NRCAM: variants seen among roughly 807,000 people sequenced by gnomAD.
NRCAM encodes the protein NgCAM-related cell adhesion molecule.
Under a neutral mutation model 156.5 loss-of-function variants are expected in NRCAM, and 83 were observed. That is an observed-to-expected ratio of 0.53 (90% CI 0.44 to 0.64). The LOEUF (loss-of-function observed/expected upper bound fraction) is 0.64. Ranked by LOEUF, NRCAM falls within the 30% of genes least tolerant of loss-of-function variation. The pLI is 0.00. For missense variants in NRCAM, 1,417 were observed against 1,597.3 expected, an observed-to-expected ratio of 0.89 and a Z score of 1.92; for synonymous variants, 538 against 563.9, an observed-to-expected ratio of 0.95 and a Z score of 0.65.
At chr7:108,453,566 C>T (rs1046766952) in intron 1 of NRCAM, among the ~76,000 whole-genome samples, 1 of 152,204 alleles carries the variant, frequency 6.6e-6, no homozygotes, top group Non-Finnish European at 1.5e-5. Context: ...AGCCCTATTG[C>T]AGTTGTTTTG....
intron 2 of NRCAM, among the ~76,000 whole-genome samples, chr7:108,364,896 G>A (rs2099582636): frequency 6.6e-6 from 1 of 152,178 alleles, no homozygotes; most frequent in Non-Finnish European, 1.5e-5. Flanking sequence ...TGACGAAAGA[G>A]TTTTGAAGTC....
intron 2 of NRCAM, among the ~76,000 whole-genome samples, chr7:108,334,278 A>T (rs1037134091): frequency 5.3e-5 from 8 of 152,238 alleles, no homozygotes; most frequent in African/African-American, 1.9e-4. Flanking sequence ...ATTACCTTAA[A>T]TATTTCAAAC....
chr7:108,234,578 C>T lies in NRCAM; in HGVS notation c.230+5G>A, dbSNP rs1312383940. 3.9e-6 allele frequency: 6 copies of T among 1,541,074 alleles called. 1 individual carries two copies. In the South Asian group the frequency reaches 5.6e-5, roughly 14 times the overall value. On this transcript the variant is annotated splice_donor_5th_base_variant and intron_variant, in intron 6 of 32. Transcript: ENST00000379028. ...GTACTATAACAAAGCAGAATGCACA[C>T]TCACCTTGGGGGCGGTTTCCCTTTG...
chr7:108,228,467 T>C (rs1365560250), intron 8 of NRCAM, among the ~76,000 whole-genome samples: 4 of 152,174 alleles, frequency 2.6e-5, no homozygotes, highest in African/African-American at 9.7e-5. Flanking sequence ...TGTTAGGCGA[T>C]GGGACTTCAT....
chr7:108,394,939 A>G (rs2099772694), intron 2 of NRCAM, among the ~76,000 whole-genome samples: 1 of 152,212 alleles, frequency 6.6e-6, no homozygotes, highest in South Asian at 2.1e-4. Flanking sequence ...CCATTTTAAA[A>G]TAAGAACAAT....
chr7:108,242,998 T>G (rs2095637835), intron 3 of NRCAM: 1 of 152,176 alleles, frequency 6.6e-6, no homozygotes. Context: ...AATCACAGTG[T>G]TTTATAAAGA....
intron 2 of NRCAM, among the ~76,000 whole-genome samples, chr7:108,341,202 G>A (rs1308147696): frequency 6.6e-6 from 1 of 152,230 alleles, no homozygotes; most frequent in African/African-American, 2.4e-5. Flanking sequence ...TGAGTCAGAA[G>A]CCACTAACCA....
intron 3 of NRCAM, among the ~76,000 whole-genome samples, chr7:108,264,580 T>C (rs890288867): frequency 1.3e-5 from 2 of 152,230 alleles, no homozygotes; most frequent in East Asian, 1.9e-4. Flanking sequence ...TACCAGTTGA[T>C]ACAATATTTA....
intron 3 of NRCAM, among the ~76,000 whole-genome samples, chr7:108,287,361 CA>C (rs1211679785): frequency 6.6e-6 from 1 of 151,822 alleles, no homozygotes; most frequent in Non-Finnish European, 1.5e-5. Context: ...TTCTGCACAG[CA>C]AAAGAAATAA....
intron 13 of NRCAM, among the ~76,000 whole-genome samples, chr7:108,198,725 C>A (rs906185134): frequency 3.3e-5 from 5 of 152,164 alleles, no homozygotes. Context: ...ATAAACACTA[C>A]GGGGCTAATA....
intron 1 of NRCAM, among the ~76,000 whole-genome samples, chr7:108,447,336 G>A (rs1845590332): frequency 6.8e-6 from 1 of 146,862 alleles, no homozygotes; most frequent in African/African-American, 2.5e-5. Context: ...CACAATCTTG[G>A]CTCACTGAAA....
At chr7:108,228,390 T>A (rs2093811763) in intron 8 of NRCAM, among the ~76,000 whole-genome samples, 2 of 151,854 alleles carry the variant, frequency 1.3e-5, no homozygotes, top group South Asian at 4.2e-4. Flanking sequence ...GACAAAAACA[T>A]TTCTTGTCCT....
At chr7:108,373,153 A>G (rs2099640010) in intron 2 of NRCAM, among the ~76,000 whole-genome samples, 1 of 152,200 alleles carries the variant, frequency 6.6e-6, no homozygotes, top group Admixed American at 6.5e-5. Flanking sequence ...AGTCAAATTC[A>G]TAGAATCAAA....
At chr7:108,388,538 T>G (rs1375987371) in intron 2 of NRCAM, among the ~76,000 whole-genome samples, 1 of 152,240 alleles carries the variant, frequency 6.6e-6, no homozygotes. Flanking sequence ...TAGTTTCTTT[T>G]GCTGTGCAGA....
intron 2 of NRCAM, among the ~76,000 whole-genome samples, chr7:108,345,191 G>T (rs182866089): frequency 1.1e-4 from 17 of 152,314 alleles, no homozygotes; most frequent in Admixed American, 9.8e-4. Flanking sequence ...AATGAGAACA[G>T]AAAGTCTGGG....
chr7:108,366,191 A>C (rs1208625756), intron 2 of NRCAM, among the ~76,000 whole-genome samples: 1 of 152,182 alleles, frequency 6.6e-6, no homozygotes, highest in Admixed American at 6.5e-5. Flanking sequence ...ATGAGAAATA[A>C]ATTTCTGTTC....
intron 3 of NRCAM, among the ~76,000 whole-genome samples, chr7:108,298,288 T>A (rs1422691671): frequency 6.6e-6 from 1 of 151,940 alleles, no homozygotes; most frequent in African/African-American, 2.4e-5. Flanking sequence ...GAGATAGTTT[T>A]AGGGTGTGAC....
chr7:108,394,727 T>C (rs2099772174), intron 2 of NRCAM, among the ~76,000 whole-genome samples: 1 of 152,202 alleles, frequency 6.6e-6, no homozygotes, highest in Non-Finnish European at 1.5e-5. Context: ...GTACATGTCC[T>C]CTAAATGAAG....
chr7:108,342,933 G>A (rs531147529), intron 2 of NRCAM, among the ~76,000 whole-genome samples: 97 of 152,314 alleles, frequency 6.4e-4, no homozygotes, highest in African/African-American at 2.2e-3. Flanking sequence ...TGCTGCGACT[G>A]TGCACTTGTG....
Sources: allele counts gnomAD v4.1 joint callset (sites outside exome capture counted in the v4.1 genomes callset), GRCh38; gene constraint gnomAD v4.1.1; transcripts MANE v1.5; gene names NCBI Gene and HGNC (gene_info 2026-07-23, HGNC 2026-07-21).